The following OR6C3 variants were observed in gnomAD, a reference collection of about 807,000 sequenced individuals.
OR6C3 encodes olfactory receptor 6C3.
For synonymous variants in OR6C3, 177 were observed against 137.4 expected (o/e 1.29, Z -2.02); for missense variants, 487 against 364.6 (o/e 1.34, Z -2.73).
chr12:55,330,863 A>G (rs1868817806), intron 1 of OR6C3, 56 bp downstream of exon 1: 1 of 152,174 alleles, frequency 6.6e-6, no homozygotes, highest in Non-Finnish European at 1.5e-5. Context: ...ATAGATAAAT[A>G]TCACATGTTC....
intron 1 of OR6C3, among the ~76,000 whole-genome samples, chr12:55,331,448 T>C (rs1868838659): frequency 6.6e-6 from 1 of 151,252 alleles, no homozygotes; most frequent in African/African-American, 2.5e-5. Context: ...TGTCTGAAGA[T>C]ATCCTAATTT....
rs898475476 is a variant in OR6C3, at chr12:55,332,144, T to A, written c.444T>A (p.Ser148Arg). 3.1e-6 allele frequency: 5 copies of A among 1,614,142 alleles called. No individual in the cohort carries two copies. The highest frequency in any genetic ancestry group is 4.2e-6 in the Non-Finnish European group (5 of 1,180,034). Residue 148 changes from serine (S) to arginine (R), a missense_variant, in exon 2 of 2, where the codon AGT (serine) becomes AGA (arginine). Ser to Arg is a moderately radical substitution (Grantham distance 110, BLOSUM62 -1). Coordinates refer to ENST00000641740, the MANE Select transcript of OR6C3 (RefSeq NM_001388498.1). ...TACTTGTGCTGTGTGCCTGGCTAAG[T>A]GGGTTTCTGACCATTTTCCCACCCC... ...CTLLVLCAWL[S>R]GFLTIFPPLM...
upstream of OR6C3, chr12:55,330,200 C>T (rs1471706368): frequency 8.5e-5 from 13 of 152,118 alleles, no homozygotes; most frequent in Non-Finnish European, 1.8e-4. Context: ...GAATCTAACT[C>T]ATAATATCCA....
At chr12:55,331,559 A>C in intron 1 of OR6C3, 98 bp from the exon 2 acceptor site, 1 of 579,006 alleles carries the variant, frequency 1.7e-6, no homozygotes. Context: ...AGACTGTAGA[A>C]GATTTTTAGA....
chr12:55,330,835 T>A (rs922871346), intron 1 of OR6C3, 28 bp downstream of exon 1: 3 of 152,114 alleles, frequency 2.0e-5, no homozygotes, highest in African/African-American at 4.8e-5. Context: ...CAATTTATGC[T>A]TCAGAGCAAA....
rs1185715439 is a variant in OR6C3, at chr12:55,331,825, T to C, written c.125T>C (p.Ile42Thr). Residue 42 changes from isoleucine to threonine, a missense_variant, in exon 2 of 2, where the codon ATC (isoleucine) becomes ACC (threonine). Physicochemically the swap from Ile to Thr is moderately conservative, Grantham distance 89 (BLOSUM62 -1). Transcript: ENST00000641740. The stretch of plus-strand genomic sequence containing the variant: ...TTAAGTGTTACTGGAAACCTGACTA[T>C]CATCACCCTAACCTTTGTGGACTCC... Reference protein sequence around the residue: ...YILSVTGNLTIITLTFVDSHL... With the variant: ...YILSVTGNLTTITLTFVDSHL... 9.9e-6 allele frequency: 16 copies of C among 1,613,866 alleles called. No homozygotes were observed. The highest frequency in any genetic ancestry group is 1.4e-5 in the Non-Finnish European group (16 of 1,179,868).
chr12:55,332,611 A>C lies in OR6C3; in HGVS notation c.911A>C (p.Lys304Thr), dbSNP rs779010187. ...CAAGCCTTCAAAAATGTGGTCCACA[A>C]AGTTGTGTTTTATGCAAATCAATGA... Reference protein sequence around the residue: ...VKQAFKNVVHKVVFYANQ With the variant: ...VKQAFKNVVHTVVFYANQ The change falls in exon 2 of 2, where the codon AAA (lysine) becomes ACA (threonine). Residue 304 changes from lysine (K) to threonine (T), a missense_variant. By Grantham distance (78) the Lys-to-Thr change is moderately conservative. Transcript: ENST00000641740. 1.9e-6 allele frequency: 3 copies of C among 1,598,818 alleles called. No homozygotes were observed. The highest frequency in any genetic ancestry group is 2.6e-6 in the Non-Finnish European group (3 of 1,176,188).
intron 1 of OR6C3, among the ~76,000 whole-genome samples, 181 bp downstream of exon 1, chr12:55,330,988 G>T (rs1299667316): frequency 6.6e-6 from 1 of 151,804 alleles, no homozygotes. Context: ...AAACCAATAA[G>T]TAAGCGAACA....
intron 1 of OR6C3, 105 bp from the exon 2 acceptor site, chr12:55,331,552 C>A (rs370882229): frequency 4.6e-4 from 260 of 560,408 alleles, no homozygotes; most frequent in African/African-American, 3.9e-3. Flanking sequence ...AACTGTCAGA[C>A]TGTAGAAGAT....
intron 1 of OR6C3, 109 bp downstream of exon 1, chr12:55,330,916 A>G (rs1045923410): frequency 1.3e-5 from 2 of 152,080 alleles, no homozygotes; most frequent in African/African-American, 4.8e-5. Context: ...GAATATATAT[A>G]CACATTTCTT....
At position 55,331,895 on chromosome 12, in the gene OR6C3, C is replaced by T. The variant is rs746925872; in HGVS notation, c.195C>T (p.Phe65=). 2.5e-6 allele frequency: 4 copies of T among 1,614,124 alleles called. No individual in the cohort carries two copies. Among genetic ancestry groups the T allele is most frequent in the South Asian group, 1.1e-5 (1 of 91,080 alleles). ...ATTTCTTCCTCCGGAACTTCTCTTTCTTAGAAATCTCATTTACAACCGTAT... is the reference window on the plus strand; with the variant it reads ...ATTTCTTCCTCCGGAACTTCTCTTTTTTAGAAATCTCATTTACAACCGTAT... The part of the protein sequence containing the change: ...PMYFFLRNFS[F]LEISFTTVCI... The change falls in exon 2 of 2, where the codon TTC becomes TTT. Residue 65 remains phenylalanine, a synonymous_variant. Transcript: ENST00000641740.
rs143080244 is a variant in OR6C3 at position 55,332,589 on chromosome 12, G to A, written c.889G>A (p.Ala297Thr). Reference sequence around the variant, plus strand: ...TCTGAGAAACCAGCAAGTAAAACAAGCCTTCAAAAATGTGGTCCACAAAGT... The same window carrying A: ...TCTGAGAAACCAGCAAGTAAAACAAACCTTCAAAAATGTGGTCCACAAAGT... ...YTLRNQQVKQ[A>T]FKNVVHKVVF... Residue 297 changes from alanine to threonine, a missense_variant, in exon 2 of 2, where the codon GCC becomes ACC. Physicochemically the swap from Ala to Thr is moderately conservative, Grantham distance 58. Coordinates refer to ENST00000641740, the MANE Select transcript of OR6C3 (RefSeq NM_001388498.1). 129 of 1,607,410 alleles carry A rather than the reference G, an allele frequency of 8.0e-5. No homozygotes were observed. In the East Asian group the frequency reaches 2.6e-3, roughly 33 times the overall value.
In OR6C3 at chr12:55,332,565, C is replaced by G; in HGVS notation, c.865C>G (p.Leu289Val). 1 of 1,612,236 alleles carries G rather than the reference C, an allele frequency of 6.2e-7. No homozygotes were observed. The highest frequency in any genetic ancestry group is 1.1e-5 in the South Asian group (1 of 90,910). ...CATGCTGAACCCCTTCATTTACACT[C>G]TGAGAAACCAGCAAGTAAAACAAGC... ...APMLNPFIYTLRNQQVKQAFK... is the reference protein window; with the variant it reads ...APMLNPFIYTVRNQQVKQAFK... Residue 289 changes from leucine to valine, a missense_variant, in exon 2 of 2, where the codon CTG becomes GTG. Physicochemically the swap from Leu to Val is conservative, Grantham distance 32. Transcript: ENST00000641740.
upstream of OR6C3, chr12:55,330,170 CA>C (rs1868797980): frequency 6.6e-6 from 1 of 152,078 alleles, no homozygotes; most frequent in South Asian, 2.1e-4. Flanking sequence ...TAAGTATGAC[CA>C]GGGGGAACCC....
In OR6C3 at chr12:55,332,602, T is replaced by G; in HGVS notation, c.902T>G (p.Val301Gly). ...CAAGTAAAACAAGCCTTCAAAAATG[T>G]GGTCCACAAAGTTGTGTTTTATGCA... ...NQQVKQAFKN[V>G]VHKVVFYANQ is the part of the protein sequence containing the mutation. The change falls in exon 2 of 2, where the codon GTG (valine) becomes GGG (glycine). Residue 301 changes from valine to glycine, a missense_variant. By Grantham distance (109) the Val-to-Gly change is moderately radical (BLOSUM62 -3). Coordinates refer to ENST00000641740, the MANE Select transcript of OR6C3 (RefSeq NM_001388498.1). The G allele has an allele frequency of 1.9e-6, 3 of 1,604,346 alleles. No individual in the cohort carries two copies. Among genetic ancestry groups the G allele is most frequent in the Non-Finnish European group, 2.5e-6 (3 of 1,178,128 alleles).
chr12:55,332,088 A>G lies in OR6C3; in HGVS notation c.388A>G (p.Thr130Ala), dbSNP rs746329462. ...TGCCATCTGCAAGCCCCTTCATTAC[A>G]CATCCATCATGAACAGGAAACTCTG... Reference protein sequence around the residue: ...YVAICKPLHYTSIMNRKLCTL... With the variant: ...YVAICKPLHYASIMNRKLCTL... The change falls in exon 2 of 2, where the codon ACA becomes GCA. Residue 130 changes from threonine to alanine, a missense_variant. By Grantham distance (58) the Thr-to-Ala change is moderately conservative. Coordinates refer to ENST00000641740, the MANE Select transcript of OR6C3 (RefSeq NM_001388498.1). 1.2e-6 allele frequency: 2 copies of G among 1,614,122 alleles called. No homozygotes were observed. The highest frequency in any genetic ancestry group is 3.3e-5 in the Admixed American group (2 of 60,002).
upstream of OR6C3, chr12:55,330,118 T>A (rs1282295154): frequency 6.6e-6 from 1 of 152,140 alleles, no homozygotes; most frequent in Non-Finnish European, 1.5e-5. Flanking sequence ...GGAGATCAAA[T>A]CTTTTGAGGT....
rs757496087 is a variant in OR6C3, at chr12:55,332,467, A to G, written c.767A>G (p.Tyr256Cys). 2 of 1,614,054 alleles carry G rather than the reference A, an allele frequency of 1.2e-6. No homozygotes were observed. The highest frequency in any genetic ancestry group is 1.1e-5 in the South Asian group (1 of 91,084). ...SISYGSCIFM[Y>C]ANPSAKEKAS... ...TCTTATGGAAGCTGTATATTCATGT[A>G]TGCTAATCCATCTGCAAAAGAAAAG... is the stretch of plus-strand genomic sequence containing the variant. Residue 256 changes from tyrosine (Y) to cysteine (C), a missense_variant, in exon 2 of 2, where the codon TAT becomes TGT. By Grantham distance (194) the Tyr-to-Cys change is radical. Coordinates refer to ENST00000641740, the MANE Select transcript of OR6C3 (RefSeq NM_001388498.1).
rs763864146 is a variant in OR6C3 at position 55,332,327 on chromosome 12, A to G, written c.627A>G (p.Ala209=). The G allele has an allele frequency of 2.9e-5, 47 of 1,613,982 alleles. No homozygotes were observed. Among genetic ancestry groups the G allele is most frequent in the African/African-American group, 6.7e-5 (5 of 74,902 alleles). Residue 209 remains alanine (A), a synonymous_variant, in exon 2 of 2, where the codon GCA becomes GCG. Transcript: ENST00000641740. The part of the protein sequence containing the change: ...FALVTLLFTL[A]LVILSYMYII... Reference sequence around the variant, plus strand: ...TGGTTACTTTGCTGTTCACTTTGGCATTAGTGATTTTATCTTACATGTACA... The same window carrying G: ...TGGTTACTTTGCTGTTCACTTTGGCGTTAGTGATTTTATCTTACATGTACA...
Sources: allele counts gnomAD v4.1 joint callset (sites outside exome capture counted in the v4.1 genomes callset), GRCh38; gene constraint gnomAD v4.1.1; transcripts MANE v1.5; gene names NCBI Gene and HGNC (gene_info 2026-07-23, HGNC 2026-07-21).